RARB: variants seen among roughly 807,000 people sequenced by gnomAD.
The protein encoded by RARB is retinoic acid receptor beta, also known as HBV-activated protein.
RARB carries 17 observed loss-of-function variants against 51.9 expected under a neutral mutation model. That is an observed-to-expected ratio of 0.33 (90% CI 0.22 to 0.49). The LOEUF (loss-of-function observed/expected upper bound fraction) is 0.49, where lower values mean the gene tolerates loss of function less well. Ranked by LOEUF, RARB falls within the 20% of genes least tolerant of loss-of-function variation. The pLI, the probability that RARB is intolerant of heterozygous loss-of-function variation, is 0.99. For missense variants in RARB, 369 were observed against 550.8 expected (o/e 0.67, Z 3.30); for synonymous variants, 215 against 195.4 (o/e 1.10, Z -0.84).
intron 1 of RARB, among the ~76,000 whole-genome samples, chr3:24,855,031 C>T (rs1459616980): frequency 6.6e-6 from 1 of 152,256 alleles, no homozygotes; most frequent in African/African-American, 2.4e-5. Flanking sequence ...TAGATGTGTA[C>T]ATATAAGTAA....
At chr3:25,532,830 A>G (rs892830966) in intron 3 of RARB, among the ~76,000 whole-genome samples, 1 of 152,222 alleles carries the variant, frequency 6.6e-6, no homozygotes, top group African/African-American at 2.4e-5. Context: ...AATTCCTCCC[A>G]GGGAATACAA....
At chr3:25,054,258 G>A (rs1187087188) in intron 2 of RARB, among the ~76,000 whole-genome samples, 1 of 152,082 alleles carries the variant, frequency 6.6e-6, no homozygotes, top group Non-Finnish European at 1.5e-5. Context: ...TTTTTTGACA[G>A]GGAAGTTGGC....
intron 5 of RARB, among the ~76,000 whole-genome samples, chr3:25,281,087 T>A (rs1448021575): frequency 2.0e-5 from 3 of 152,174 alleles, no homozygotes; most frequent in Admixed American, 1.3e-4. Context: ...GAAAAATGAA[T>A]CCTCACTACA....
chr3:24,858,682 A>C (rs1342183025), exon 2 of RARB: 5 of 152,184 alleles, frequency 3.3e-5, no homozygotes, highest in African/African-American at 1.2e-4. Flanking sequence ...AGAATCCTGA[A>C]CATCATCATA....
intron 2 of RARB, among the ~76,000 whole-genome samples, chr3:24,877,482 A>G (rs1472018995): frequency 6.6e-6 from 1 of 151,588 alleles, no homozygotes; most frequent in Non-Finnish European, 1.5e-5. Flanking sequence ...GAAAGGCTAT[A>G]AAAGAAACAG....
intron 5 of RARB, among the ~76,000 whole-genome samples, chr3:25,328,903 C>T (rs1044946258): frequency 2.0e-5 from 3 of 152,206 alleles, no homozygotes; most frequent in Non-Finnish European, 4.4e-5. Context: ...GAGGGTCCCA[C>T]ACCCACAGAG....
At chr3:25,168,556 C>G (rs1411168203) in intron 4 of RARB, among the ~76,000 whole-genome samples, 2 of 151,794 alleles carry the variant, frequency 1.3e-5, no homozygotes, top group Non-Finnish European at 2.9e-5. Flanking sequence ...TAAAAAATAT[C>G]AGAAAATACG....
At chr3:24,935,254 A>C (rs1010130858) in intron 2 of RARB, among the ~76,000 whole-genome samples, 3 of 152,132 alleles carry the variant, frequency 2.0e-5, no homozygotes, top group Admixed American at 2.0e-4. Flanking sequence ...GTCATCCTAC[A>C]TGTGTATATT....
intron 2 of RARB, among the ~76,000 whole-genome samples, chr3:24,947,226 T>G (rs145434121): frequency 8.7e-4 from 132 of 152,344 alleles, no homozygotes; most frequent in African/African-American, 3.2e-3. Flanking sequence ...TTATCTTCTA[T>G]GTCTTACTGA....
At chr3:25,157,584 A>G (rs1045120924) in intron 4 of RARB, among the ~76,000 whole-genome samples, 1 of 151,868 alleles carries the variant, frequency 6.6e-6, no homozygotes, top group Admixed American at 6.6e-5. Flanking sequence ...TTTAGTAGAG[A>G]TGAGGTTTCA....
chr3:25,252,122 C>G lies in RARB; in HGVS notation c.178+77547C>G, dbSNP rs374023239. Among the ~76,000 whole-genome samples the G allele has an allele frequency of 2.2e-4, 34 of 152,252 alleles. No individual in the cohort carries two copies. The South Asian group carries it at 6.8e-3, about 31-fold the overall frequency. On this transcript the variant is annotated intron_variant, in intron 5 of 11. Coordinates refer to the RARB transcript ENST00000383772. ...CATTTGTTAAAAAGATTATTCTTTA[C>G]TACCATTAAATTTTCTTGCCACCCT...
At chr3:25,024,356 G>C (rs531600008) in intron 2 of RARB, among the ~76,000 whole-genome samples, 1 of 152,282 alleles carries the variant, frequency 6.6e-6, no homozygotes, top group East Asian at 1.9e-4. Flanking sequence ...CTATTTCTGA[G>C]TGTGAATTGC....
At chr3:25,245,564 C>A (rs1702538516) in intron 5 of RARB, among the ~76,000 whole-genome samples, 1 of 152,114 alleles carries the variant, frequency 6.6e-6, no homozygotes, top group Non-Finnish European at 1.5e-5. Context: ...ACTTATGAAG[C>A]TTAGTTTGGC....
At chr3:24,938,499 T>C (rs900669962) in intron 2 of RARB, among the ~76,000 whole-genome samples, 14 of 152,198 alleles carry the variant, frequency 9.2e-5, no homozygotes, top group Non-Finnish European at 1.9e-4. Flanking sequence ...GACAGGTTCA[T>C]TTTCTTTGTG....
intron 2 of RARB, among the ~76,000 whole-genome samples, chr3:24,898,901 T>C (rs954180517): frequency 6.6e-6 from 1 of 152,182 alleles, no homozygotes; most frequent in Admixed American, 6.5e-5. Flanking sequence ...GTGTTTCTAC[T>C]CAGTAACAGA....
intron 2 of RARB, among the ~76,000 whole-genome samples, chr3:24,964,085 AG>A (rs1696202235): frequency 1.3e-5 from 2 of 152,078 alleles, no homozygotes; most frequent in Admixed American, 1.3e-4. Context: ...TGATTGCCAA[AG>A]TCCTTTCAAG....
intron 5 of RARB, among the ~76,000 whole-genome samples, chr3:25,188,599 T>A (rs1701029127): frequency 6.6e-6 from 1 of 152,172 alleles, no homozygotes; most frequent in South Asian, 2.1e-4. Flanking sequence ...TTGAAAGCGG[T>A]ATCATCTGAT....
chr3:24,891,414 C>T (rs972201544), intron 2 of RARB, among the ~76,000 whole-genome samples: 2 of 152,032 alleles, frequency 1.3e-5, no homozygotes, highest in African/African-American at 2.4e-5. Flanking sequence ...CCAACATCTC[C>T]GAAATGGGAA....
At chr3:24,978,565 A>G (rs1559419546) in intron 2 of RARB, among the ~76,000 whole-genome samples, 1 of 152,054 alleles carries the variant, frequency 6.6e-6, no homozygotes, top group Non-Finnish European at 1.5e-5. Context: ...GTATTCTCTG[A>G]TGGTAGTTTG....
Sources: allele counts gnomAD v4.1 joint callset (sites outside exome capture counted in the v4.1 genomes callset), GRCh38; gene constraint gnomAD v4.1.1; transcripts MANE v1.5; gene names NCBI Gene and HGNC (gene_info 2026-07-23, HGNC 2026-07-21).